TBC1D22A: variants seen among roughly 807,000 people sequenced by gnomAD.
TBC1D22A encodes putative GTPase activator.
A neutral mutation model predicts 60.2 loss-of-function variants in TBC1D22A; 38 were observed. The observed-to-expected ratio is 0.63, with a 90% confidence interval of 0.49 to 0.83. The LOEUF (loss-of-function observed/expected upper bound fraction) is 0.83, where lower values mean the gene tolerates loss of function less well. Among genes scored for constraint, TBC1D22A ranks in the 40% least tolerant of loss-of-function variants. TBC1D22A has a pLI of 0.00. For missense variants in TBC1D22A, 628 were observed against 701.0 expected (o/e 0.90, Z 1.18); for synonymous variants, 302 against 281.7 (o/e 1.07, Z -0.72).
intron 8 of TBC1D22A, among the ~76,000 whole-genome samples, chr22:46,937,092 T>C (rs2071699081): frequency 6.6e-6 from 1 of 152,228 alleles, no homozygotes. Flanking sequence ...GCTTTGCTTT[T>C]GTTTTGAAGA....
intron 11 of TBC1D22A, among the ~76,000 whole-genome samples, chr22:47,039,935 CTTTTTTTTTTT>C (rs570751261): frequency 3.0e-4 from 23 of 77,282 alleles, no homozygotes; most frequent in African/African-American, 6.3e-4. Flanking sequence ...GTGCCACAGC[CTTTTTTTTTTT>C]TTTTTTTTTT....
chr22:46,799,153 G>C (rs801593), intron 4 of TBC1D22A, among the ~76,000 whole-genome samples: 109,930 of 152,022 alleles, frequency 0.72, 39,859 homozygotes, highest in Middle Eastern at 0.83. Flanking sequence ...TCCACAGCTC[G>C]AGGTGTCTCC....
intron 5 of TBC1D22A, among the ~76,000 whole-genome samples, chr22:46,889,979 T>C (rs2068313282): frequency 6.6e-6 from 1 of 152,254 alleles, no homozygotes; most frequent in Non-Finnish European, 1.5e-5. Flanking sequence ...CATCTTATTT[T>C]ATAAATTAGA....
At chr22:47,075,247 G>A (rs60522985) in intron 11 of TBC1D22A, among the ~76,000 whole-genome samples, 7,755 of 128,542 alleles carry the variant, frequency 0.06, 260 homozygotes, top group Middle Eastern at 0.098. Context: ...GAGAACCAAA[G>A]TACTAAACTG....
intron 9 of TBC1D22A, 38 bp downstream of exon 9, chr22:46,974,437 C>T (rs1220339890): frequency 1.9e-6 from 3 of 1,546,580 alleles, no homozygotes; most frequent in South Asian, 1.2e-5. Context: ...CCCACGCCCA[C>T]AGCCCCTGCG....
Position 47,037,196 on chromosome 22 carries a change from C to T in TBC1D22A, c.1327C>T (p.Gln443Ter). 8 of 1,613,452 alleles carry T rather than the reference C, an allele frequency of 5.0e-6. No individual in the cohort carries two copies. Among genetic ancestry groups the T allele is most frequent in the South Asian group, 1.1e-5 (1 of 91,078 alleles). Residue 443 changes from glutamine (Q) to a stop codon, truncating the protein, a stop_gained and splice_region_variant, in exon 11 of 13, where the codon CAG becomes TAG. Coordinates refer to ENST00000337137, the MANE Select transcript of TBC1D22A (RefSeq NM_014346.5). LOFTEE classifies it high-confidence loss of function. The part of the protein sequence containing the change: ...RCTIRLWDTY[Q>*]SEPDGFSHFH... ...TACCATCCGCCTGTGGGACACCTAC[C>T]AGGTGAGCTCTCCTTCGCACCCTCC... is the stretch of plus-strand genomic sequence containing the variant.
intron 1 of TBC1D22A, among the ~76,000 whole-genome samples, chr22:46,768,358 G>T (rs763363393): frequency 1.5e-4 from 23 of 151,914 alleles, no homozygotes; most frequent in African/African-American, 5.3e-4. Context: ...GGTGGCAGGC[G>T]CCTGTAATCC....
chr22:47,015,200 G>A (rs1265210931), intron 10 of TBC1D22A, among the ~76,000 whole-genome samples: 1 of 152,224 alleles, frequency 6.6e-6, no homozygotes, highest in Non-Finnish European at 1.5e-5. Flanking sequence ...TGCTGAAGGT[G>A]GCCTATGTCA....
At chr22:47,095,373 G>A (rs1000988647) in intron 11 of TBC1D22A, among the ~76,000 whole-genome samples, 15 of 152,156 alleles carry the variant, frequency 9.9e-5, no homozygotes, top group African/African-American at 3.1e-4. Flanking sequence ...AAGGAAAATC[G>A]AACAATGCAA....
chr22:46,894,043 C>G (rs544593664), intron 6 of TBC1D22A, among the ~76,000 whole-genome samples: 2 of 152,328 alleles, frequency 1.3e-5, no homozygotes, highest in South Asian at 4.1e-4. Context: ...AAATGAAATG[C>G]AATTGCAGCA....
intron 11 of TBC1D22A, among the ~76,000 whole-genome samples, chr22:47,084,077 G>A (rs1442764409): frequency 1.1e-4 from 16 of 152,208 alleles, no homozygotes; most frequent in Non-Finnish European, 5.9e-5. Flanking sequence ...AGTTGATGAG[G>A]TGCATTCTCT....
intron 10 of TBC1D22A, among the ~76,000 whole-genome samples, 187 bp downstream of exon 10, chr22:46,997,896 C>A (rs2075175399): frequency 6.6e-6 from 1 of 152,146 alleles, no homozygotes; most frequent in South Asian, 2.1e-4. Flanking sequence ...AAGGGGATAT[C>A]ATCAGAATTC....
chr22:47,074,698 G>A (rs1401743470), intron 11 of TBC1D22A, among the ~76,000 whole-genome samples: 1 of 152,196 alleles, frequency 6.6e-6, no homozygotes, highest in East Asian at 1.9e-4. Flanking sequence ...ATTCTGTTCT[G>A]TCGGTTCTGT....
In TBC1D22A at chr22:46,972,912, C is replaced by T. The variant is rs77582615; in HGVS notation, c.1016-1378C>T. Among the ~76,000 whole-genome samples the T allele has an allele frequency of 1.0e-2, 1,516 of 152,302 alleles. 27 individuals are homozygous for T. Among genetic ancestry groups the T allele is most frequent in the African/African-American group, 0.035 (1,443 of 41,558 alleles). ...GAATCCGCCCACCCTCCCACGTTCC[C>T]GCAGGTCCCGCCATGTTGGATGTGT... On this transcript the variant is annotated intron_variant, in intron 8 of 12. Transcript: ENST00000337137.
chr22:46,841,047 G>GGTGGGTGTGTGTGTGT (rs1555909299), intron 4 of TBC1D22A, among the ~76,000 whole-genome samples: 12 of 147,540 alleles, frequency 8.1e-5, no homozygotes, highest in African/African-American at 3.0e-4. Flanking sequence ...AATGAAAATG[G>GGTGGGTGTGTGTGTGT]GTGTGTGTGT....
chr22:47,086,552 A>G lies in TBC1D22A; in HGVS notation c.1330-24956A>G, dbSNP rs576423960. On this transcript the variant is annotated intron_variant, in intron 11 of 12. Transcript: ENST00000337137. ...GCTTTGTGTTGTTTCTTACAACTAC[A>G]TATGAAGCTACAATTATTTCGGGAT... Among the ~76,000 whole-genome samples the G allele has an allele frequency of 7.9e-5, 12 of 152,340 alleles. No individual in the cohort carries two copies. The South Asian group carries it at 2.5e-3, about 32-fold the overall frequency.
chr22:47,065,657 G>GGACTTAGCAGGCCTCGGAGTT (rs1556045879), intron 11 of TBC1D22A, among the ~76,000 whole-genome samples: 46 of 150,522 alleles, frequency 3.1e-4, no homozygotes, highest in Middle Eastern at 3.4e-3. Flanking sequence ...GTTGGATTGA[G>GGACTTAGCAGGCCTCGGAGTT]GGAGACCTGC....
Position 46,974,226 on chromosome 22 carries a change from C to T in TBC1D22A, c.1016-64C>T, listed in dbSNP as rs756466867. ...CTCAGCTCTGTTCCTCCGTGGGCCC[C>T]CTCGTGGGTCGAGGTCCCGTGTGGC... is the stretch of plus-strand genomic sequence containing the variant. On this transcript the variant is annotated intron_variant, in intron 8 of 12. Transcript: ENST00000337137. The T allele has an allele frequency of 5.0e-6, 7 of 1,398,000 alleles. No individual in the cohort carries two copies. In the East Asian group the frequency reaches 7.5e-5, roughly 15 times the overall value. The allele number at this position is 1,398,000 out of a possible 1,614,324, so 86.6% of individuals were successfully genotyped here.
At chr22:47,094,722 G>A (rs1054666274) in intron 11 of TBC1D22A, among the ~76,000 whole-genome samples, 1 of 151,982 alleles carries the variant, frequency 6.6e-6, no homozygotes, top group Non-Finnish European at 1.5e-5. Flanking sequence ...TATACTATAT[G>A]GCTTTAAAAG....
Sources: allele counts gnomAD v4.1 joint callset (sites outside exome capture counted in the v4.1 genomes callset), GRCh38; gene constraint gnomAD v4.1.1; transcripts MANE v1.5; gene names NCBI Gene and HGNC (gene_info 2026-07-23, HGNC 2026-07-21).